GALNT17: variants seen among roughly 807,000 people sequenced by gnomAD.
GALNT17 encodes polypeptide N-acetylgalactosaminyltransferase 17, also known as UDP-GalNAc:polypeptide N-acetylgalactosaminyltransferase-like 3.
Under a neutral mutation model 63.7 loss-of-function variants are expected in GALNT17, and 29 were observed. The observed-to-expected ratio is 0.46, with a 90% CI of 0.34 to 0.62. The LOEUF (loss-of-function observed/expected upper bound fraction) is 0.62. GALNT17 is among the 20% of genes least tolerant of loss of function. The pLI is 0.01. For synonymous variants in GALNT17, 305 were observed against 318.3 expected (o/e 0.96, Z 0.45); for missense variants, 603 against 799.6 (o/e 0.75, Z 2.97).
At chr7:71,347,117 G>A (rs990084731) in intron 2 of GALNT17, among the ~76,000 whole-genome samples, 1 of 152,124 alleles carries the variant, frequency 6.6e-6, no homozygotes, top group African/African-American at 2.4e-5. Flanking sequence ...TAGTGTGTGA[G>A]GGTGATATGA....
At chr7:71,473,272 T>G (rs533001369) in intron 5 of GALNT17, among the ~76,000 whole-genome samples, 1 of 152,318 alleles carries the variant, frequency 6.6e-6, no homozygotes, top group East Asian at 1.9e-4. Flanking sequence ...TCAGAGAGAA[T>G]AGATGTTAAA....
chr7:71,476,432 ATACT>A (rs1787723945), intron 5 of GALNT17, among the ~76,000 whole-genome samples: 2 of 152,134 alleles, frequency 1.3e-5, no homozygotes, highest in South Asian at 2.1e-4. Context: ...GGGTGAAAAA[ATACT>A]TACTCACAAA....
At chr7:71,321,703 G>A (rs1354010190) in intron 1 of GALNT17, among the ~76,000 whole-genome samples, 2 of 150,006 alleles carry the variant, frequency 1.3e-5, no homozygotes, top group African/African-American at 4.9e-5. Flanking sequence ...CGCCTCCCAG[G>A]CTCAAGCAGT....
At chr7:71,600,666 G>A (rs1789953735) in intron 6 of GALNT17, among the ~76,000 whole-genome samples, 1 of 152,180 alleles carries the variant, frequency 6.6e-6, no homozygotes, top group Non-Finnish European at 1.5e-5. Context: ...GGACTGACCT[G>A]TGTCCCTGGA....
chr7:71,293,269 G>A (rs1018836032), intron 1 of GALNT17, among the ~76,000 whole-genome samples: 1 of 152,020 alleles, frequency 6.6e-6, no homozygotes, highest in African/African-American at 2.4e-5. Flanking sequence ...ATTTTTGGGG[G>A]GAACCACTAT....
intron 9 of GALNT17, among the ~76,000 whole-genome samples, chr7:71,695,742 A>C (rs987130533): frequency 6.6e-6 from 1 of 152,068 alleles, no homozygotes; most frequent in Non-Finnish European, 1.5e-5. Context: ...TCAGTTTGGG[A>C]TTGGGCATTT....
At chr7:71,448,406 TTTTG>T (rs1563100551) in intron 5 of GALNT17, among the ~76,000 whole-genome samples, 2 of 152,012 alleles carry the variant, frequency 1.3e-5, no homozygotes, top group African/African-American at 4.8e-5. Flanking sequence ...CTCTTTTTGT[TTTTG>T]TTTGGGTGTT....
In GALNT17 at chr7:71,583,952, G is replaced by A. The variant is rs575832193; in HGVS notation, c.1080+12550G>A. ...ATCCTGGCTAACATGGTGAAACCCC[G>A]TCTCTACTGAAAAAAAAAAAATACA... is the stretch of plus-strand genomic sequence containing the variant. On this transcript the variant is annotated intron_variant, in intron 6 of 10. Transcript: ENST00000333538. Among the ~76,000 whole-genome samples, 72 of 147,488 alleles carry A rather than the reference G, an allele frequency of 4.9e-4. No homozygotes were observed. In the South Asian group the frequency reaches 9.8e-3, roughly 20 times the overall value.
chr7:71,495,747 C>T (rs997117445), intron 5 of GALNT17, among the ~76,000 whole-genome samples: 1 of 152,110 alleles, frequency 6.6e-6, no homozygotes, highest in Non-Finnish European at 1.5e-5. Flanking sequence ...AATTGGGCAT[C>T]GTAATAATGC....
chr7:71,295,240 G>C lies in GALNT17; in HGVS notation c.239-40310G>C, dbSNP rs114028642. On this transcript the variant is annotated intron_variant, in intron 1 of 10. Transcript: ENST00000333538. ...TGGATATCCTAGACTTGCTTCCTGT[G>C]TGAGCTCCTTTGCTTCTAGGTTCTT... is the stretch of plus-strand genomic sequence containing the variant. 6.0e-4 allele frequency among the ~76,000 whole-genome samples: 92 copies of C among 152,198 alleles called. No individual in the cohort carries two copies. The East Asian group carries it at 0.017, about 28-fold the overall frequency.
At chr7:71,627,103 C>T (rs1790385942) in intron 6 of GALNT17, among the ~76,000 whole-genome samples, 1 of 152,088 alleles carries the variant, frequency 6.6e-6, no homozygotes, top group Non-Finnish European at 1.5e-5. Context: ...AGGTCTTCTG[C>T]AAAAAATAAA....
chr7:71,351,274 C>A (rs908997859), intron 2 of GALNT17, among the ~76,000 whole-genome samples: 4 of 152,074 alleles, frequency 2.6e-5, no homozygotes, highest in African/African-American at 9.7e-5. Context: ...ATAGCAGATA[C>A]TGGCCAATTG....
chr7:71,393,055 A>T (rs1169167008), intron 3 of GALNT17, among the ~76,000 whole-genome samples: 1 of 152,084 alleles, frequency 6.6e-6, no homozygotes, highest in Non-Finnish European at 1.5e-5. Flanking sequence ...ATGGTGTTTT[A>T]AAATCTCCTT....
intron 1 of GALNT17, among the ~76,000 whole-genome samples, chr7:71,248,728 C>A (rs1790144623): frequency 6.6e-6 from 1 of 152,086 alleles, no homozygotes; most frequent in Admixed American, 6.6e-5. Context: ...CTCATTTCCC[C>A]CCATGCTTCT....
intron 1 of GALNT17, among the ~76,000 whole-genome samples, chr7:71,189,459 A>G (rs1490892372): frequency 1.3e-5 from 2 of 152,032 alleles, no homozygotes; most frequent in South Asian, 2.1e-4. Flanking sequence ...GGCATGTTTG[A>G]TGTGTAGGCG....
intron 5 of GALNT17, among the ~76,000 whole-genome samples, chr7:71,562,649 G>A (rs1236444880): frequency 6.6e-6 from 1 of 152,188 alleles, no homozygotes; most frequent in African/African-American, 2.4e-5. Flanking sequence ...GGTAATGCGA[G>A]TGATGGGAAA....
chr7:71,266,349 T>C (rs1922511), intron 1 of GALNT17, among the ~76,000 whole-genome samples: 58,544 of 151,996 alleles, frequency 0.39, 13,336 homozygotes, highest in Non-Finnish European at 0.49. Flanking sequence ...GGGAGCGGAC[T>C]TCCCCCTTAC....
chr7:71,651,991 C>T (rs73187182), intron 6 of GALNT17, among the ~76,000 whole-genome samples: 1 of 152,240 alleles, frequency 6.6e-6, no homozygotes, highest in Non-Finnish European at 1.5e-5. Flanking sequence ...CATTAGCCAC[C>T]GTGCCCAGCC....
In GALNT17 at chr7:71,413,894, A is replaced by G. The variant is rs187745115; in HGVS notation, c.590-1995A>G. Among the ~76,000 whole-genome samples, 43 of 152,152 alleles carry G rather than the reference A, an allele frequency of 2.8e-4. 5 individuals are homozygous for G. In the East Asian group the frequency reaches 2.9e-3, roughly 10 times the overall value. ...TGTTTGGAACAGTGTATCCCTGTACATTGTAAGAGTGAGAATGGTGTCTAC... is the reference window on the plus strand; with the variant it reads ...TGTTTGGAACAGTGTATCCCTGTACGTTGTAAGAGTGAGAATGGTGTCTAC... On this transcript the variant is annotated intron_variant, in intron 3 of 10. Coordinates refer to ENST00000333538, the MANE Select transcript of GALNT17 (RefSeq NM_022479.3).
Sources: allele counts gnomAD v4.1 joint callset (sites outside exome capture counted in the v4.1 genomes callset), GRCh38; gene constraint gnomAD v4.1.1; transcripts MANE v1.5; gene names NCBI Gene and HGNC (gene_info 2026-07-23, HGNC 2026-07-21).